Variants in DRC11 observed in about 807,000 individuals in gnomAD.
The protein encoded by DRC11 is dynein regulatory complex subunit 11, also known as IQ and AAA domain-containing protein 1.
chr2:236,391,428 G>C, the DRC11 span: 1 of 154,278 alleles, frequency 6.5e-6, no homozygotes, highest in East Asian at 1.9e-4. The surrounding 1 kb of genome is among the most constrained non-coding windows in gnomAD (Gnocchi z 4.5). Context: ...CTCTACCTTG[G>C]GTATTCTGGC....
the DRC11 span, among the ~76,000 whole-genome samples, chr2:236,405,597 T>C: frequency 1.3e-5 from 2 of 152,086 alleles, no homozygotes; most frequent in Non-Finnish European, 2.9e-5. The surrounding 1 kb of genome is among the most constrained non-coding windows in gnomAD (Gnocchi z 4.6). Context: ...TTTCTCTTCA[T>C]GGCCCAATCA....
chr2:236,493,302 G>A, the DRC11 span, among the ~76,000 whole-genome samples: 1 of 152,158 alleles, frequency 6.6e-6, no homozygotes, highest in Non-Finnish European at 1.5e-5. Flanking sequence ...GGGAGCTACA[G>A]TTCAAGATGA....
chr2:236,436,982 G>A, the DRC11 span, among the ~76,000 whole-genome samples: 478 of 151,908 alleles, frequency 3.1e-3, 3 homozygotes, highest in African/African-American at 0.011. Flanking sequence ...GGGGACATGT[G>A]CACAATGTGC....
At chr2:236,338,392 A>T in the DRC11 span, 13 of 1,562,008 alleles carry the variant, frequency 8.3e-6, no homozygotes, top group Non-Finnish European at 1.1e-5. Context: ...TCTGGGAGAG[A>T]GAAAAAAAAA....
the DRC11 span, among the ~76,000 whole-genome samples, chr2:236,466,555 G>A: frequency 6.6e-6 from 1 of 152,108 alleles, no homozygotes; most frequent in East Asian, 1.9e-4. Context: ...GGCTTCTGGC[G>A]AGGCCTCAGG....
At chr2:236,453,812 TG>T in the DRC11 span, among the ~76,000 whole-genome samples, 1 of 152,128 alleles carries the variant, frequency 6.6e-6, no homozygotes, top group African/African-American at 2.4e-5. The surrounding 1 kb of genome is among the most constrained non-coding windows in gnomAD (Gnocchi z 4.9). Flanking sequence ...GCTAATTTTT[TG>T]TATTTTTAGT....
At chr2:236,410,946 G>A in the DRC11 span, among the ~76,000 whole-genome samples, 2 of 146,308 alleles carry the variant, frequency 1.4e-5, no homozygotes, top group Admixed American at 6.9e-5. Context: ...AAAAACCCTA[G>A]AAGAAAACCT....
At chr2:236,473,696 T>G in the DRC11 span, among the ~76,000 whole-genome samples, 1 of 151,968 alleles carries the variant, frequency 6.6e-6, no homozygotes, top group Non-Finnish European at 1.5e-5. The surrounding 1 kb of genome is among the most constrained non-coding windows in gnomAD (Gnocchi z 4.8). Context: ...CTCTGCCAAT[T>G]AAAATAACTG....
the DRC11 span, among the ~76,000 whole-genome samples, chr2:236,461,206 A>G: frequency 6.6e-6 from 1 of 152,230 alleles, no homozygotes; most frequent in Non-Finnish European, 1.5e-5. This position sits in a 1 kb window ranked among gnomAD's most constrained non-coding sequence, Gnocchi z 4.0. Flanking sequence ...GTATGAAACT[A>G]AAGAATCATT....
chr2:236,336,041 G>A, the DRC11 span, among the ~76,000 whole-genome samples: 6 of 152,140 alleles, frequency 3.9e-5, no homozygotes, highest in African/African-American at 1.4e-4. The surrounding 1 kb of genome is among the most constrained non-coding windows in gnomAD (Gnocchi z 7.3). Flanking sequence ...TTCTTTGGAT[G>A]CTGGCCAGGT....
At chr2:236,322,266 G>A in the DRC11 span, among the ~76,000 whole-genome samples, 27 of 121,254 alleles carry the variant, frequency 2.2e-4, no homozygotes, top group Admixed American at 1.4e-3. Flanking sequence ...ACAGAGTCTC[G>A]CTCTGTTGCC....
At chr2:236,346,102 A>G in the DRC11 span, among the ~76,000 whole-genome samples, 24,584 of 152,254 alleles carry the variant, frequency 0.16, 2,340 homozygotes, top group Non-Finnish European at 0.22. Flanking sequence ...AGTGCCAGCC[A>G]AGCACCATTT....
chr2:236,343,836 C>A, the DRC11 span: 1 of 951,134 alleles, frequency 1.1e-6, no homozygotes, highest in Non-Finnish European at 1.5e-6. This position sits in a 1 kb window ranked among gnomAD's most constrained non-coding sequence, Gnocchi z 6.6. Flanking sequence ...AATCAAGGCT[C>A]ATTTGGGGAA....
At chr2:236,365,255 G>A in the DRC11 span, among the ~76,000 whole-genome samples, 1 of 152,006 alleles carries the variant, frequency 6.6e-6, no homozygotes. The surrounding 1 kb of genome is among the most constrained non-coding windows in gnomAD (Gnocchi z 7.4). Flanking sequence ...AATGAGAACG[G>A]GAGGCAAGCA....
At chr2:236,374,262 G>A in the DRC11 span, among the ~76,000 whole-genome samples, 1 of 152,138 alleles carries the variant, frequency 6.6e-6, no homozygotes, top group Non-Finnish European at 1.5e-5. Context: ...ACTATGTGGG[G>A]ATTTGGGAAG....
chr2:236,345,017 C>T, the DRC11 span, among the ~76,000 whole-genome samples: 6 of 150,328 alleles, frequency 4.0e-5, no homozygotes, highest in South Asian at 8.4e-4. Context: ...GTGCAGAGCC[C>T]TGGTTGTAAA....
the DRC11 span, among the ~76,000 whole-genome samples, chr2:236,459,555 G>GTATACGTATATATGTGTATACATACGTA: frequency 8.4e-6 from 1 of 119,048 alleles, no homozygotes; most frequent in South Asian, 2.4e-4. Flanking sequence ...ACGTATACAT[G>GTATACGTATATATGTGTATACATACGTA]TATACGTATA....
chr2:236,414,868 A>C, the DRC11 span, among the ~76,000 whole-genome samples: 1 of 152,132 alleles, frequency 6.6e-6, no homozygotes, highest in Non-Finnish European at 1.5e-5. Flanking sequence ...TCTTGTGTAC[A>C]ATTACAGAGA....
the DRC11 span, among the ~76,000 whole-genome samples, chr2:236,469,301 G>A: frequency 1.6e-4 from 25 of 152,334 alleles, no homozygotes; most frequent in South Asian, 8.3e-4. This position sits in a 1 kb window ranked among gnomAD's most constrained non-coding sequence, Gnocchi z 5.8. Context: ...CATCTCCCGA[G>A]TTCAAGTGAT....
Sources: gnomAD v4.1 joint callset for allele counts (sites outside exome capture counted in the v4.1 genomes callset) on GRCh38, gnomAD v4.1.1 for gene constraint, Gnocchi (gnomAD v3.1) non-coding constraint, MANE v1.5 for transcripts, NCBI Gene and HGNC (gene_info 2026-07-23, HGNC 2026-07-21) for gene names.